Variants in FAM20A observed in about 807,000 individuals in gnomAD.
FAM20A encodes FAM20A golgi associated secretory pathway pseudokinase, also known as pseudokinase FAM20A.
Under a neutral mutation model 52.0 loss-of-function variants are expected in FAM20A, and 42 were observed. The ratio of observed to expected loss-of-function variants is 0.81; its 90% confidence interval spans 0.63 to 1.04. The LOEUF is 1.04. FAM20A is among the 50% of genes least tolerant of loss of function. FAM20A has a pLI of 0.00. For synonymous variants in FAM20A, 304 were observed against 298.9 expected (o/e 1.02, Z -0.18); for missense variants, 742 against 712.7 (o/e 1.04, Z -0.47).
chr17:68,572,001 TATATATATATATATA>T (rs1273990613), intron 1 of FAM20A, among the ~76,000 whole-genome samples: 12 of 88,636 alleles, frequency 1.4e-4, no homozygotes, highest in South Asian at 4.0e-4. Context: ...TATATATATA[TATATATATATATATA>T]TATATATATA....
intron 1 of FAM20A, among the ~76,000 whole-genome samples, chr17:68,585,302 TC>T (rs1445679474): frequency 5.7e-5 from 7 of 123,624 alleles, no homozygotes; most frequent in Admixed American, 1.6e-4. Flanking sequence ...CTTTTTTTTT[TC>T]AAATAACAAA....
At chr17:68,568,919 G>T (rs1225209738) in intron 1 of FAM20A, among the ~76,000 whole-genome samples, 1 of 151,822 alleles carries the variant, frequency 6.6e-6, no homozygotes, top group Non-Finnish European at 1.5e-5. Flanking sequence ...TGGGAGCAGG[G>T]GTGGGGAGTT....
At chr17:68,599,910 G>T (rs1180233579) in intron 1 of FAM20A, among the ~76,000 whole-genome samples, 2 of 152,224 alleles carry the variant, frequency 1.3e-5, no homozygotes, top group African/African-American at 4.8e-5. Flanking sequence ...TCCACATCAG[G>T]ACAGAGAGTG....
At position 68,543,687 on chromosome 17, in the gene FAM20A, A is replaced by C; in HGVS notation, c.754T>G (p.Phe252Val). Residue 252 changes from phenylalanine (F) to valine (V), a missense_variant, in exon 5 of 11, where the codon TTC becomes GTC. Coordinates refer to ENST00000592554, the MANE Select transcript of FAM20A (RefSeq NM_017565.4). ...QRDEETPVDFFYFIDFQRHNA... is the reference protein window; with the variant it reads ...QRDEETPVDFVYFIDFQRHNA... ...TGTCTCTGAAAGTCAATGAAGTAGA[A>C]GAAGTCCACTGGTGTCTCCTCATCT... 6.2e-7 allele frequency: 1 copy of C among 1,614,186 alleles called. No homozygotes were observed. Among genetic ancestry groups the C allele is most frequent in the Non-Finnish European group, 8.5e-7 (1 of 1,180,020 alleles).
intron 8 of FAM20A, 189 bp downstream of exon 8, chr17:68,540,660 C>T (rs910657998): frequency 2.8e-5 from 21 of 746,156 alleles, no homozygotes; most frequent in African/African-American, 2.8e-4. Context: ...GAGCTTCTTC[C>T]AGTTCTTTGA....
At chr17:68,540,805 TAGC>T (rs781105660) in intron 8 of FAM20A, 41 bp downstream of exon 8, 9 of 1,560,958 alleles carry the variant, frequency 5.8e-6, no homozygotes, top group Non-Finnish European at 7.8e-6. Context: ...CCTAGCCACA[TAGC>T]AGAGCCCACT....
chr17:68,540,408 A>G (rs2045108778), intron 8 of FAM20A: 1 of 454,630 alleles, frequency 2.2e-6, no homozygotes, highest in Non-Finnish European at 4.4e-6. Context: ...AAGCTCCTGT[A>G]TGACGGCCAC....
intron 1 of FAM20A, among the ~76,000 whole-genome samples, chr17:68,577,686 T>C (rs535892510): frequency 1.6e-4 from 24 of 152,364 alleles, no homozygotes; most frequent in African/African-American, 4.6e-4. Context: ...ATTGCTCTGA[T>C]GGATTTTGCA....
chr17:68,538,287 G>A (rs2086154117), intron 10 of FAM20A, among the ~76,000 whole-genome samples: 1 of 152,220 alleles, frequency 6.6e-6, no homozygotes, highest in South Asian at 2.1e-4. Flanking sequence ...TGTGTAAGCA[G>A]CTTAATTGAC....
chr17:68,536,656 G>A lies in FAM20A; in HGVS notation c.*821C>T, dbSNP rs1216657274. 2.2e-6 allele frequency: 1 copy of A among 452,758 alleles called. No individual in the cohort carries two copies. Among genetic ancestry groups the A allele is most frequent in the South Asian group, 1.6e-5 (1 of 64,224 alleles). 28.0% of individuals were successfully genotyped at this position (452,758 alleles called of 1,614,324 possible). On this transcript the variant is annotated 3_prime_UTR_variant, in exon 11 of 11. Transcript: ENST00000592554. The stretch of plus-strand genomic sequence containing the variant: ...TGGTTGGTGGGCTGTAGTCAGCCTT[G>A]GCTCTTTTCCTGCCTTACTCCAGGC...
At position 68,542,102 on chromosome 17, in the gene FAM20A, C is replaced by T. The variant is rs981673034; in HGVS notation, c.992G>A (p.Gly331Asp). 3 of 1,613,778 alleles carry T rather than the reference C, an allele frequency of 1.9e-6. No homozygotes were observed. Among genetic ancestry groups the T allele is most frequent in the Admixed American group, 1.7e-5 (1 of 59,990 alleles). Reference sequence around the variant, plus strand: ...GGAACCCTCCAGCAGGTGTGGGTTGCCACAGACAGCATACTCCGTCTTGCA... The same window carrying T: ...GGAACCCTCCAGCAGGTGTGGGTTGTCACAGACAGCATACTCCGTCTTGCA... Reference protein sequence around the residue: ...YMCKTEYAVCGNPHLLEGSLS... With the variant: ...YMCKTEYAVCDNPHLLEGSLS... Residue 331 changes from glycine to aspartate, a missense_variant, in exon 7 of 11, where the codon GGC becomes GAC. Transcript: ENST00000592554.
At chr17:68,548,052 C>G (rs182801530) in intron 4 of FAM20A, among the ~76,000 whole-genome samples, 11 of 152,186 alleles carry the variant, frequency 7.2e-5, no homozygotes, top group Admixed American at 7.2e-4. Context: ...ATAGGGAGGC[C>G]TGAGGACTGG....
At chr17:68,570,024 T>A (rs946924118) in intron 1 of FAM20A, among the ~76,000 whole-genome samples, 1 of 152,246 alleles carries the variant, frequency 6.6e-6, no homozygotes, top group African/African-American at 2.4e-5. Flanking sequence ...TATTTCTGTT[T>A]CTGCTTAACC....
intron 4 of FAM20A, among the ~76,000 whole-genome samples, chr17:68,545,663 T>A (rs895196806): frequency 2.6e-5 from 4 of 152,308 alleles, no homozygotes; most frequent in East Asian, 1.9e-4. Context: ...AAAAGATGTA[T>A]CTGTAGCACG....
At chr17:68,589,279 G>A (rs2143901892) in intron 1 of FAM20A, among the ~76,000 whole-genome samples, 1 of 152,336 alleles carries the variant, frequency 6.6e-6, no homozygotes, top group Middle Eastern at 3.4e-3. Context: ...CGGAACCAAT[G>A]CAGTAGCTGA....
chr17:68,590,136 T>G (rs1203701539), intron 1 of FAM20A: 1 of 152,234 alleles, frequency 6.6e-6, no homozygotes, highest in African/African-American at 2.4e-5. Context: ...TAAAGTATAT[T>G]TTTTCAAAGT....
intron 5 of FAM20A, 25 bp from the exon 6 acceptor site, chr17:68,542,834 A>T (rs750102155): frequency 3.2e-6 from 5 of 1,553,074 alleles, no homozygotes; most frequent in Non-Finnish European, 4.4e-6. Flanking sequence ...GCTCTGTTCC[A>T]TCTGAGGGAT....
intron 3 of FAM20A, among the ~76,000 whole-genome samples, chr17:68,552,763 G>A (rs562738325): frequency 8.2e-6 from 1 of 121,646 alleles, no homozygotes; most frequent in Admixed American, 1.0e-4. Flanking sequence ...CTCACTGCAA[G>A]CTCCGCTTCC....
intron 1 of FAM20A, among the ~76,000 whole-genome samples, chr17:68,583,358 TG>T (rs2088068121): frequency 6.6e-6 from 1 of 152,154 alleles, no homozygotes; most frequent in Admixed American, 6.5e-5. Flanking sequence ...GTGCTCCTTC[TG>T]GGGACTCTAG....
Sources: gnomAD v4.1 joint callset for allele counts (sites outside exome capture counted in the v4.1 genomes callset) on GRCh38, gnomAD v4.1.1 for gene constraint, MANE v1.5 for transcripts, NCBI Gene and HGNC (gene_info 2026-07-23, HGNC 2026-07-21) for gene names.